The following CCNK variants were observed in gnomAD, a reference collection of about 807,000 sequenced individuals.
CCNK encodes the protein cyclin K.
In CCNK, 9 loss-of-function variants were observed where a neutral mutation model predicts 65.0. The observed-to-expected ratio is 0.14, with a 90% CI of 0.08 to 0.24. The LOEUF (loss-of-function observed/expected upper bound fraction) is 0.24, where lower values mean the gene tolerates loss of function less well. Among genes scored for constraint, CCNK ranks in the 10% least tolerant of loss-of-function variants. The pLI, the probability that CCNK is intolerant of heterozygous loss-of-function variation, is 1.00. For synonymous variants in CCNK, 279 were observed against 270.8 expected, an observed-to-expected ratio of 1.03 and a Z score of -0.30; for missense variants, 474 against 720.0, an observed-to-expected ratio of 0.66 and a Z score of 3.91.
chr14:99,486,838 C>T (rs1335970227), intron 1 of CCNK, among the ~76,000 whole-genome samples: 7 of 152,192 alleles, frequency 4.6e-5, no homozygotes, highest in South Asian at 2.1e-4. Context: ...TACCTCTAAA[C>T]AGCCCTTACC....
intron 4 of CCNK, among the ~76,000 whole-genome samples, chr14:99,496,210 C>T (rs956355150): frequency 1.3e-5 from 2 of 152,136 alleles, no homozygotes; most frequent in African/African-American, 4.8e-5. Context: ...TTTTAGGGAC[C>T]CATGGCAGTG....
chr14:99,508,105 C>G (rs569988076), intron 10 of CCNK: 2 of 152,366 alleles, frequency 1.3e-5, no homozygotes, highest in Non-Finnish European at 2.9e-5. Context: ...GCTGACAGCA[C>G]TGTGTGCCCG....
chr14:99,494,798 G>A lies in CCNK; in HGVS notation c.280-700G>A, dbSNP rs1438248583. ...AACTCTTCACAGTTGTAGAGACTGGGAGGTGTAAGATCAAGGTGCTGGCAG... is the reference window on the plus strand; with the variant it reads ...AACTCTTCACAGTTGTAGAGACTGGAAGGTGTAAGATCAAGGTGCTGGCAG... On this transcript the variant is annotated intron_variant, in intron 3 of 10. Transcript: ENST00000389879. 4 of 152,410 alleles carry A rather than the reference G, an allele frequency of 2.6e-5. 1 individual carries two copies. Among genetic ancestry groups the A allele is most frequent in the African/African-American group, 9.6e-5 (4 of 41,582 alleles). The allele number at this position is 152,410 out of a possible 1,614,324, so 9.4% of individuals were successfully genotyped here.
chr14:99,488,835 A>T (rs762322952), intron 1 of CCNK, among the ~76,000 whole-genome samples: 6 of 152,024 alleles, frequency 3.9e-5, no homozygotes, highest in Non-Finnish European at 8.8e-5. Flanking sequence ...TTTATGATCA[A>T]CCACAGTTAT....
intron 3 of CCNK, 31 bp downstream of exon 3, chr14:99,493,626 G>T: frequency 1.4e-6 from 2 of 1,393,082 alleles, no homozygotes; most frequent in South Asian, 2.4e-5. Context: ...GTAATTCTCT[G>T]TCATATGTTA....
intron 1 of CCNK, among the ~76,000 whole-genome samples, chr14:99,487,205 T>C (rs1339953622): frequency 6.6e-6 from 1 of 152,210 alleles, no homozygotes; most frequent in South Asian, 2.1e-4. Flanking sequence ...TTATTAATAA[T>C]CAAACACCAG....
chr14:99,505,251 T>C (rs1896945962), intron 9 of CCNK: 1 of 152,280 alleles, frequency 6.6e-6, no homozygotes, highest in Admixed American at 6.5e-5. Flanking sequence ...CATGGTGGCC[T>C]CAGCATGCTG....
chr14:99,510,123 G>T, intron 10 of CCNK, 34 bp from the exon 11 acceptor site: 2 of 1,568,896 alleles, frequency 1.3e-6, no homozygotes, highest in East Asian at 2.3e-5. Flanking sequence ...CATTGCTGGC[G>T]GAGGCCGGGC....
intron 9 of CCNK, 56 bp downstream of exon 9, chr14:99,503,700 A>C: frequency 7.1e-7 from 1 of 1,406,502 alleles, no homozygotes; most frequent in Non-Finnish European, 9.8e-7. Flanking sequence ...CAAAACTTTA[A>C]ATTCTTAGCC....
intron 8 of CCNK, 62 bp downstream of exon 8, chr14:99,503,046 C>T: frequency 6.5e-7 from 1 of 1,542,092 alleles, no homozygotes; most frequent in Non-Finnish European, 9.0e-7. Context: ...AACACCTGAG[C>T]ACTGTTCCCA....
chr14:99,507,406 G>A, intron 10 of CCNK: 1 of 463,146 alleles, frequency 2.2e-6, no homozygotes, highest in Non-Finnish European at 4.0e-6. Flanking sequence ...GTGAGACCCT[G>A]TCTAAAAAAT....
At chr14:99,503,723 T>A in intron 9 of CCNK, 79 bp downstream of exon 9, 1 of 1,278,304 alleles carries the variant, frequency 7.8e-7, no homozygotes, top group Non-Finnish European at 1.1e-6. Context: ...CATTGTTTCT[T>A]TTCAGATCTA....
chr14:99,497,048 C>T (rs1370184674), intron 4 of CCNK, among the ~76,000 whole-genome samples: 21 of 150,128 alleles, frequency 1.4e-4, no homozygotes, highest in South Asian at 2.1e-4. Context: ...AGCATCCCCC[C>T]GACCAAAGTG....
At chr14:99,483,802 T>G (rs1481657871) in intron 1 of CCNK, among the ~76,000 whole-genome samples, 1 of 152,216 alleles carries the variant, frequency 6.6e-6, no homozygotes, top group East Asian at 1.9e-4. Flanking sequence ...TGGGGAGATG[T>G]CTTTGGAGAT....
At chr14:99,493,215 C>T (rs1896631236) in intron 2 of CCNK, 3 of 426,320 alleles carry the variant, frequency 7.0e-6, no homozygotes, top group East Asian at 8.3e-5. Flanking sequence ...CCAACCTGGG[C>T]TGCAGTGAGC....
Position 99,510,495 on chromosome 14 carries a change from C to T in CCNK, c.1456C>T (p.Pro486Ser). ...HVYPPNPPPP[P>S]VPPPPASFPP... ...CTACCCGCCCAACCCGCCCCCGCCA[C>T]CTGTGCCTCCTCCCCCAGCCTCCTT... The change falls in exon 11 of 11, where the codon CCT becomes TCT. Residue 486 changes from proline to serine, a missense_variant. By Grantham distance (74) the Pro-to-Ser change is moderately conservative. Around this residue, in one of 6 missense-constraint regions of CCNK, gnomAD observed 38 missense variants for 19.2 expected, o/e 1.98. Transcript: ENST00000389879. The T allele has an allele frequency of 8.6e-7, 1 of 1,158,956 alleles. No individual in the cohort carries two copies. The highest frequency in any genetic ancestry group is 1.4e-5 in the South Asian group (1 of 70,338). The allele number at this position is 1,158,956 out of a possible 1,614,324, so 71.8% of individuals were successfully genotyped here.
chr14:99,482,362 G>C (rs777352709), intron 1 of CCNK, among the ~76,000 whole-genome samples: 1 of 152,238 alleles, frequency 6.6e-6, no homozygotes, highest in Admixed American at 6.5e-5. Context: ...GATGTTGCTA[G>C]AATGAAAGCG....
intron 1 of CCNK, among the ~76,000 whole-genome samples, chr14:99,485,938 C>T (rs1332957086): frequency 6.6e-6 from 1 of 152,178 alleles, no homozygotes; most frequent in Non-Finnish European, 1.5e-5. Context: ...ACACCTTCTG[C>T]CCTATTGCAC....
chr14:99,493,001 G>T, intron 2 of CCNK, 127 bp downstream of exon 2: 2 of 821,034 alleles, frequency 2.4e-6, no homozygotes, highest in Non-Finnish European at 3.6e-6. Flanking sequence ...ATATCTGTTT[G>T]AATGTTGTTT....
Sources: gnomAD v4.1 joint callset for allele counts (sites outside exome capture counted in the v4.1 genomes callset) on GRCh38, gnomAD v4.1.1 for gene constraint, gnomAD v4.1.1 regional missense constraint, MANE v1.5 for transcripts, NCBI Gene and HGNC (gene_info 2026-07-23, HGNC 2026-07-21) for gene names.